The following SRPK2 variants were observed in gnomAD, a reference collection of about 807,000 sequenced individuals.
SRPK2 encodes the protein SRSF protein kinase 2, also known as SFRS protein kinase 2.
A neutral mutation model predicts 90.8 loss-of-function variants in SRPK2; 21 were observed. The observed-to-expected ratio is 0.23, with a 90% CI of 0.16 to 0.33. The LOEUF (loss-of-function observed/expected upper bound fraction) is 0.33, where lower values mean the gene tolerates loss of function less well. Among genes scored for constraint, SRPK2 ranks in the 10% least tolerant of loss-of-function variants. SRPK2 has a pLI of 1.00. For synonymous variants in SRPK2, 288 were observed against 311.1 expected, an observed-to-expected ratio of 0.93 and a Z score of 0.78; for missense variants, 620 against 869.0, an observed-to-expected ratio of 0.71 and a Z score of 3.60.
intron 2 of SRPK2, among the ~76,000 whole-genome samples, chr7:105,377,450 TG>T: frequency 6.6e-6 from 1 of 151,728 alleles, no homozygotes; most frequent in East Asian, 1.9e-4. Context: ...CCCAGCACTT[TG>T]GGGGGCGGAG....
At chr7:105,271,767 C>T (rs368875800) in intron 2 of SRPK2, among the ~76,000 whole-genome samples, 5 of 152,288 alleles carry the variant, frequency 3.3e-5, no homozygotes, top group African/African-American at 4.8e-5. Flanking sequence ...TTACACACAC[C>T]GCAAACACTT....
chr7:105,158,236 G>A (rs987201802), intron 7 of SRPK2, among the ~76,000 whole-genome samples: 1 of 151,756 alleles, frequency 6.6e-6, no homozygotes, highest in Non-Finnish European at 1.5e-5. Flanking sequence ...AAATGTCAAT[G>A]GCTCATCTGT....
intron 1 of SRPK2, among the ~76,000 whole-genome samples, chr7:105,397,078 C>T (rs1284278731): frequency 6.6e-5 from 10 of 152,146 alleles, no homozygotes; most frequent in South Asian, 6.2e-4. Context: ...AGTGCAATGG[C>T]GTGATCTCAG....
At chr7:105,179,669 A>G (rs1222584028) in intron 3 of SRPK2, among the ~76,000 whole-genome samples, 1 of 151,994 alleles carries the variant, frequency 6.6e-6, no homozygotes, top group Non-Finnish European at 1.5e-5. Context: ...CACTAAAAAT[A>G]CAAAGATTAG....
Position 105,376,456 on chromosome 7 carries a change from T to C in SRPK2, c.71+12192A>G, listed in dbSNP as rs148159547. On this transcript the variant is annotated intron_variant, in intron 2 of 15. Coordinates refer to ENST00000393651, the MANE Select transcript of SRPK2 (RefSeq NM_182692.3). ...CCCACTACTTCCTGACAACTCAGGATTTTTGCTCCAAATACCCCTTTTCTT... is the reference window on the plus strand; with the variant it reads ...CCCACTACTTCCTGACAACTCAGGACTTTTGCTCCAAATACCCCTTTTCTT... Among the ~76,000 whole-genome samples, 282 of 152,010 alleles carry C rather than the reference T, an allele frequency of 1.9e-3. 1 individual carries two copies. Among genetic ancestry groups the C allele is most frequent in the African/African-American group, 6.6e-3 (272 of 41,492 alleles).
At chr7:105,119,327 C>A (rs545810517) in intron 15 of SRPK2, among the ~76,000 whole-genome samples, 6 of 152,022 alleles carry the variant, frequency 3.9e-5, no homozygotes, top group Non-Finnish European at 5.9e-5. Context: ...AAAGCCCTCC[C>A]GTTTAAAAAC....
chr7:105,185,862 A>C (rs922918732), intron 3 of SRPK2, among the ~76,000 whole-genome samples: 1 of 152,234 alleles, frequency 6.6e-6, no homozygotes, highest in Non-Finnish European at 1.5e-5. Flanking sequence ...CATACTTAGT[A>C]GACTCTAGGC....
intron 13 of SRPK2, among the ~76,000 whole-genome samples, chr7:105,131,836 CA>C (rs1010171324): frequency 6.6e-6 from 1 of 152,046 alleles, no homozygotes; most frequent in Non-Finnish European, 1.5e-5. Flanking sequence ...GGATAAAAAG[CA>C]GTATGGAATA....
chr7:105,125,797 A>C, intron 15 of SRPK2: 1 of 1,281,128 alleles, frequency 7.8e-7, no homozygotes, highest in Non-Finnish European at 1.0e-6. Context: ...CTGGTGAAAA[A>C]CTCCTTGGAG....
At chr7:105,125,155 T>C (rs915803587) in intron 15 of SRPK2, among the ~76,000 whole-genome samples, 6 of 142,914 alleles carry the variant, frequency 4.2e-5, no homozygotes, top group African/African-American at 1.0e-4. Context: ...AAAAAGAATA[T>C]AGCACTTAGA....
At chr7:105,280,729 C>T (rs951027681) in intron 2 of SRPK2, among the ~76,000 whole-genome samples, 2 of 150,460 alleles carry the variant, frequency 1.3e-5, no homozygotes, top group Non-Finnish European at 3.0e-5. Flanking sequence ...GGGTGGATCA[C>T]GAGGTCAGGA....
At chr7:105,160,258 A>C (rs1305568365) in intron 7 of SRPK2, 2 of 288,518 alleles carry the variant, frequency 6.9e-6, no homozygotes, top group East Asian at 1.2e-4. Context: ...ACCTTAAAAA[A>C]AAAAACGACA....
At chr7:105,196,789 C>T (rs947899594) in intron 3 of SRPK2, among the ~76,000 whole-genome samples, 1 of 152,118 alleles carries the variant, frequency 6.6e-6, no homozygotes, top group Non-Finnish European at 1.5e-5. Context: ...GTGGCTCACA[C>T]CTGTAATCCC....
At chr7:105,286,376 T>C (rs1213842776) in intron 2 of SRPK2, among the ~76,000 whole-genome samples, 4 of 152,268 alleles carry the variant, frequency 2.6e-5, no homozygotes. Context: ...TTAGATTTAC[T>C]ATGCTAAGTG....
At position 105,380,913 on chromosome 7, in the gene SRPK2, A is replaced by T. The variant is rs77047726; in HGVS notation, c.71+7735T>A. 4.6e-3 allele frequency among the ~76,000 whole-genome samples: 685 copies of T among 149,050 alleles called. 11 individuals carry two copies. In the East Asian group the frequency reaches 0.055, roughly 12 times the overall value. ...TGTATTATACTGAATTCTGTACTGA[A>T]TTTTTTACCATGACCATATTACTTT... On this transcript the variant is annotated intron_variant, in intron 2 of 15. Coordinates refer to ENST00000393651, the MANE Select transcript of SRPK2 (RefSeq NM_182692.3).
chr7:105,356,827 T>C (rs930453466), intron 2 of SRPK2, among the ~76,000 whole-genome samples: 3 of 152,194 alleles, frequency 2.0e-5, no homozygotes, highest in African/African-American at 7.2e-5. Flanking sequence ...GAGATTTCTC[T>C]GGTCCTGTGG....
intron 15 of SRPK2, chr7:105,125,840 T>C: frequency 7.7e-7 from 1 of 1,298,370 alleles, no homozygotes; most frequent in Non-Finnish European, 1.0e-6. Context: ...TTCGAGGGAC[T>C]TTCCCCAGCA....
At position 105,117,572 on chromosome 7, in the gene SRPK2, C is replaced by T; in HGVS notation, c.*266G>A. ...AAAAAAATGACATTTGAATGTCACA[C>T]AACACAAGAAACAATGCTTAGAGAC... On this transcript the variant is annotated 3_prime_UTR_variant, in exon 16 of 16. Transcript: ENST00000393651. 1 of 433,766 alleles carries T rather than the reference C, an allele frequency of 2.3e-6. No individual in the cohort carries two copies. The allele number at this position is 433,766 out of a possible 1,614,324, so 26.9% of individuals were successfully genotyped here. A position where few individuals can be genotyped will look rare whatever the true frequency, so the allele number is the denominator to read the frequency against.
At chr7:105,202,829 A>G (rs1055728759) in intron 3 of SRPK2, among the ~76,000 whole-genome samples, 5 of 152,230 alleles carry the variant, frequency 3.3e-5, no homozygotes. Flanking sequence ...AATAAACGCT[A>G]TGTAATTCAA....
Sources: gnomAD v4.1 joint callset for allele counts (sites outside exome capture counted in the v4.1 genomes callset) on GRCh38, gnomAD v4.1.1 for gene constraint, MANE v1.5 for transcripts, NCBI Gene and HGNC (gene_info 2026-07-23, HGNC 2026-07-21) for gene names.